UBE2O: variants seen among roughly 807,000 people sequenced by gnomAD.
UBE2O encodes ubiquitin conjugating enzyme E2 O.
A neutral mutation model predicts 125.8 loss-of-function variants in UBE2O; 15 were observed. The observed-to-expected ratio is 0.12, with a 90% CI of 0.08 to 0.18. The LOEUF (loss-of-function observed/expected upper bound fraction) is 0.18. UBE2O is among the 10% of genes least tolerant of loss of function. The probability of loss-of-function intolerance (pLI) is 1.00; values close to 1 mark genes in which losing one functional copy is unlikely to be tolerated. For missense variants in UBE2O, 1,280 were observed against 1,723.6 expected (o/e 0.74, Z 4.56); for synonymous variants, 708 against 703.2 (o/e 1.01, Z -0.11).
In UBE2O at chr17:76,398,812, G is replaced by A. The variant is rs2072262908; in HGVS notation, c.1783+25C>T. The A allele has an allele frequency of 3.7e-6, 6 of 1,609,258 alleles. No homozygotes were observed. The highest frequency in any genetic ancestry group is 2.7e-5 in the African/African-American group (2 of 74,862). ...GCCCTCATTGGCGACCACCCTGCTG[G>A]CTGCCCTTCCAGAGCTGGCACTACC... On this transcript the variant is annotated intron_variant, in intron 10 of 17. Transcript: ENST00000319380. This position sits in a 1 kb window ranked among gnomAD's most constrained non-coding sequence, Gnocchi z 5.4.
chr17:76,405,599 G>C lies in UBE2O; in HGVS notation c.418-27C>G. The C allele has an allele frequency of 6.4e-7, 1 of 1,567,552 alleles. No individual in the cohort carries two copies. Among genetic ancestry groups the C allele is most frequent in the Non-Finnish European group, 8.7e-7 (1 of 1,153,878 alleles). ...TGTAAAAGAAAATACAGGTGTGAGA[G>C]AATGGACTCTGAAGCCACCACAGAA... is the stretch of plus-strand genomic sequence containing the variant. On this transcript the variant is annotated intron_variant, in intron 1 of 17. Transcript: ENST00000319380. This position sits in a 1 kb window ranked among gnomAD's most constrained non-coding sequence, Gnocchi z 6.1.
intron 1 of UBE2O, among the ~76,000 whole-genome samples, chr17:76,448,537 G>A (rs2073184916): frequency 6.6e-6 from 1 of 152,202 alleles, no homozygotes; most frequent in African/African-American, 2.4e-5. Context: ...TAAAAGCAGG[G>A]TGATCACAGA....
At position 76,420,169 on chromosome 17, in the gene UBE2O, C is replaced by G. The variant is rs898601120; in HGVS notation, c.418-14597G>C. On this transcript the variant is annotated intron_variant, in intron 1 of 17. Coordinates refer to ENST00000319380, the MANE Select transcript of UBE2O (RefSeq NM_022066.4). ...CAACAGCCACACTCTGAAAATGCAC[C>G]GTACCTTCCTAGGCAGACTCATGCT... Among the ~76,000 whole-genome samples, 20 of 152,166 alleles carry G rather than the reference C, an allele frequency of 1.3e-4. 1 individual carries two copies. Among genetic ancestry groups the G allele is most frequent in the Non-Finnish European group, 4.4e-5 (3 of 68,036 alleles).
Position 76,396,003 on chromosome 17 carries a change from G to A in UBE2O, c.2809+125C>T. 6.7e-7 allele frequency: 1 copy of A among 1,484,244 alleles called. No individual in the cohort carries two copies. The highest frequency in any genetic ancestry group is 9.2e-7 in the Non-Finnish European group (1 of 1,087,070). 91.9% of individuals were successfully genotyped at this position (1,484,244 alleles called of 1,614,324 possible). A position where few individuals can be genotyped will look rare whatever the true frequency, so the allele number is the denominator to read the frequency against. ...AGCACTGTGACCACACAGGGAAATG[G>A]TTTGCCCTGGGGCAGTAGCTGGGGT... On this transcript the variant is annotated intron_variant, in intron 14 of 17. Transcript: ENST00000319380. The surrounding 1 kb of genome is among the most constrained non-coding windows in gnomAD (Gnocchi z 6.7).
chr17:76,439,152 A>T (rs1189314149), intron 1 of UBE2O, among the ~76,000 whole-genome samples: 1 of 152,244 alleles, frequency 6.6e-6, no homozygotes, highest in Admixed American at 6.5e-5. Context: ...GCCTGGCTTT[A>T]GCCCAAGCCT....
At chr17:76,393,664 G>C (rs1248912478) in intron 15 of UBE2O, among the ~76,000 whole-genome samples, 2 of 152,228 alleles carry the variant, frequency 1.3e-5, no homozygotes, top group African/African-American at 4.8e-5. Context: ...CCTGGGGAAG[G>C]GGGGATGGTC....
intron 1 of UBE2O, among the ~76,000 whole-genome samples, chr17:76,442,693 G>A (rs1598622695): frequency 6.6e-6 from 1 of 152,334 alleles, no homozygotes; most frequent in East Asian, 1.9e-4. Context: ...AGATAGAGCA[G>A]GATGTGTAGG....
In UBE2O at chr17:76,398,483, C is replaced by T; in HGVS notation, c.1885G>A (p.Asp629Asn). Residue 629 changes from aspartate (D) to asparagine (N), a missense_variant, in exon 11 of 18, where the codon GAC (aspartate) becomes AAC (asparagine). By Grantham distance (23) the Asp-to-Asn change is conservative (BLOSUM62 1). Around this residue, in one of 10 missense-constraint regions of UBE2O, gnomAD observed 145 missense variants for 219.6 expected, o/e 0.66. Coordinates refer to ENST00000319380, the MANE Select transcript of UBE2O (RefSeq NM_022066.4). This position sits in a 1 kb window ranked among gnomAD's most constrained non-coding sequence, Gnocchi z 5.4. The stretch of plus-strand genomic sequence containing the variant: ...GGGGCTGCACACACCTCCACGTCGT[C>T]CCCACTCGGCCTCAGCTTGAACCAC... ...VKWFKLRPSGDDVELIGEEED... is the reference protein window; with the variant it reads ...VKWFKLRPSGNDVELIGEEED... 1 of 1,614,150 alleles carries T rather than the reference C, an allele frequency of 6.2e-7. No individual in the cohort carries two copies. The highest frequency in any genetic ancestry group is 8.5e-7 in the Non-Finnish European group (1 of 1,180,018).
rs985854678 is a variant in UBE2O, at chr17:76,405,827, C to A, written c.418-255G>T. 2.6e-5 allele frequency among the ~76,000 whole-genome samples: 4 copies of A among 152,228 alleles called. No individual in the cohort carries two copies. The highest frequency in any genetic ancestry group is 9.6e-5 in the African/African-American group (4 of 41,472). ...TCACCCACCAGAGGCACTTGGCTTG[C>A]CGGAGGTAGCCTTCCTCACACTGAA... On this transcript the variant is annotated intron_variant, in intron 1 of 17. Transcript: ENST00000319380. This position sits in a 1 kb window ranked among gnomAD's most constrained non-coding sequence, Gnocchi z 6.1.
Position 76,391,439 on chromosome 17 carries a change from C to G in UBE2O, c.3383G>C (p.Arg1128Thr). The G allele has an allele frequency of 1.9e-6, 3 of 1,613,790 alleles. No homozygotes were observed. Among genetic ancestry groups the G allele is most frequent in the Non-Finnish European group, 2.5e-6 (3 of 1,180,036 alleles). The change falls in exon 18 of 18, where the codon AGG (arginine) becomes ACG (threonine). Residue 1128 changes from arginine to threonine, a missense_variant. Arg to Thr is a moderately conservative substitution (Grantham distance 71, BLOSUM62 -1). Around this residue, in one of 10 missense-constraint regions of UBE2O, gnomAD observed 233 missense variants for 279.0 expected, o/e 0.84. Coordinates refer to ENST00000319380, the MANE Select transcript of UBE2O (RefSeq NM_022066.4). The surrounding 1 kb of genome is among the most constrained non-coding windows in gnomAD (Gnocchi z 8.4). ...RPPEVFEQEI[R>T]QHFSTGGWRL... ...CCAGCCACCAGTGCTAAAGTGTTGC[C>G]TGATCTCCTGCTCAAAGACCTCGGG...
intron 1 of UBE2O, among the ~76,000 whole-genome samples, chr17:76,449,872 C>G (rs1309683063): frequency 6.6e-6 from 1 of 151,464 alleles, no homozygotes; most frequent in Non-Finnish European, 1.5e-5. Flanking sequence ...GTGAGCCGAG[C>G]TGGCGCCATT....
rs777839042 is a variant in UBE2O at position 76,391,622 on chromosome 17, G to A, written c.3209-9C>T. Reference sequence around the variant, plus strand: ...ATTTACCAGGATCAGACCTGTGTGGGCGGGACACCTTCCCTCAGTGGGTGA... The same window carrying A: ...ATTTACCAGGATCAGACCTGTGTGGACGGGACACCTTCCCTCAGTGGGTGA... On this transcript the variant is annotated splice_polypyrimidine_tract_variant and intron_variant, in intron 17 of 17. Transcript: ENST00000319380. The surrounding 1 kb of genome is among the most constrained non-coding windows in gnomAD (Gnocchi z 8.4). 38 of 1,607,222 alleles carry A rather than the reference G, an allele frequency of 2.4e-5. 1 individual carries two copies. In the South Asian group the frequency reaches 4.0e-4, roughly 17 times the overall value.
chr17:76,396,397 G>A lies in UBE2O; in HGVS notation c.2540C>T (p.Pro847Leu). The A allele has an allele frequency of 2.5e-6, 4 of 1,614,146 alleles. No homozygotes were observed. Among genetic ancestry groups the A allele is most frequent in the Non-Finnish European group, 1.7e-6 (2 of 1,180,028 alleles). ...PTSPTVEPEK[P>L]TREKKFLDDI... ...ATCCAGAAACTTCTTCTCCCGAGTTGGCTTCTCAGGCTCCACAGTCGGAGA... is the reference window on the plus strand; with the variant it reads ...ATCCAGAAACTTCTTCTCCCGAGTTAGCTTCTCAGGCTCCACAGTCGGAGA... The change falls in exon 14 of 18, where the codon CCA becomes CTA. Residue 847 changes from proline to leucine, a missense_variant. By Grantham distance (98) the Pro-to-Leu change is moderately conservative. Coordinates refer to ENST00000319380, the MANE Select transcript of UBE2O (RefSeq NM_022066.4). The surrounding 1 kb of genome is among the most constrained non-coding windows in gnomAD (Gnocchi z 6.7).
chr17:76,451,018 T>G (rs984573101), intron 1 of UBE2O, among the ~76,000 whole-genome samples: 2 of 152,202 alleles, frequency 1.3e-5, no homozygotes, highest in Non-Finnish European at 2.9e-5. Flanking sequence ...CAAACAAAGT[T>G]AACCACCAAA....
intron 5 of UBE2O, 105 bp from the exon 6 acceptor site, chr17:76,401,259 T>A: frequency 7.4e-7 from 1 of 1,353,288 alleles, no homozygotes. Flanking sequence ...AGAAGCCCAC[T>A]CACACACACG....
At chr17:76,415,586 C>A (rs1402126280) in intron 1 of UBE2O, among the ~76,000 whole-genome samples, 1 of 152,222 alleles carries the variant, frequency 6.6e-6, no homozygotes, top group Non-Finnish European at 1.5e-5. Context: ...GGTTGGATCA[C>A]TTGAGGTCAG....
chr17:76,393,193 G>A (rs940645285), intron 15 of UBE2O, among the ~76,000 whole-genome samples: 1 of 151,812 alleles, frequency 6.6e-6, no homozygotes, highest in African/African-American at 2.4e-5. Context: ...AGGAGGCTGA[G>A]GCTGCAGTGA....
Position 76,452,745 on chromosome 17 carries a change from G to C in UBE2O, c.397C>G (p.Gln133Glu). 2 of 1,504,086 alleles carry C rather than the reference G, an allele frequency of 1.3e-6. No individual in the cohort carries two copies. The highest frequency in any genetic ancestry group is 1.8e-6 in the Non-Finnish European group (2 of 1,136,130). The allele number at this position is 1,504,086 out of a possible 1,614,324, so 93.2% of individuals were successfully genotyped here. A position where few individuals can be genotyped will look rare whatever the true frequency, so the allele number is the denominator to read the frequency against. The stretch of plus-strand genomic sequence containing the variant: ...CGCACCTTGGTCTCCTTCACATGCT[G>C]CTTGACGCCCTCCGGGTACCACTGG... ...RVQWYPEGVKQHVKETKLKLE... is the reference protein window; with the variant it reads ...RVQWYPEGVKEHVKETKLKLE... Residue 133 changes from glutamine to glutamate, a missense_variant, in exon 1 of 18, where the codon CAG (glutamine) becomes GAG (glutamate). Gln to Glu is a conservative substitution (Grantham distance 29). Transcript: ENST00000319380. The surrounding 1 kb of genome is among the most constrained non-coding windows in gnomAD (Gnocchi z 4.4).
chr17:76,416,834 T>C (rs1412272991), intron 1 of UBE2O, among the ~76,000 whole-genome samples: 2 of 152,060 alleles, frequency 1.3e-5, no homozygotes, highest in Non-Finnish European at 2.9e-5. Flanking sequence ...CTCAGGACAG[T>C]GAAACAGGAC....
Sources: gnomAD v4.1 joint callset for allele counts (sites outside exome capture counted in the v4.1 genomes callset) on GRCh38, gnomAD v4.1.1 for gene constraint, gnomAD v4.1.1 regional missense constraint, Gnocchi (gnomAD v3.1) non-coding constraint, MANE v1.5 for transcripts, NCBI Gene and HGNC (gene_info 2026-07-23, HGNC 2026-07-21) for gene names.